The following OR6J1 variants were observed in gnomAD, a reference collection of about 807,000 sequenced individuals.
The protein encoded by OR6J1 is olfactory receptor family 6 subfamily J member 1, also known as olfactory receptor 6J1.
For missense variants in OR6J1, 304 were observed against 166.8 expected (o/e 1.82, Z -4.53); for synonymous variants, 109 against 70.0 (o/e 1.56, Z -2.78).
intron 1 of OR6J1, among the ~76,000 whole-genome samples, chr14:22,640,483 G>GTTTTTTTTTTTTTTTTTTTT (rs1457341102): frequency 1.5e-5 from 2 of 132,652 alleles, no homozygotes; most frequent in Non-Finnish European, 1.6e-5. Context: ...CAGTGAGAAT[G>GTTTTTTTTTTTTTTTTTTTT]TATTTTTTTT....
intron 1 of OR6J1, among the ~76,000 whole-genome samples, chr14:22,642,312 AATATATATATATATATAT>A (rs71421135): frequency 0.049 from 5,325 of 109,194 alleles, 272 homozygotes; most frequent in Non-Finnish European, 0.059. Flanking sequence ...TCAACTTAAG[AATATATATATATATATAT>A]ATATATATAT....
chr14:22,641,564 G>GA (rs797030311), intron 1 of OR6J1, among the ~76,000 whole-genome samples: 10 of 96,134 alleles, frequency 1.0e-4, no homozygotes, highest in Non-Finnish European at 2.2e-4. Context: ...TAAAGAAAAA[G>GA]AAAAAAGAAA....
intron 1 of OR6J1, among the ~76,000 whole-genome samples, chr14:22,636,830 C>G (rs1237926422): frequency 2.6e-5 from 3 of 117,464 alleles, no homozygotes; most frequent in Non-Finnish European, 5.0e-5. Flanking sequence ...TCTGCCCAGC[C>G]GCCACCCCGT....
Position 22,637,706 on chromosome 14 carries a change from A to G in OR6J1, c.-27-2868T>C, listed in dbSNP as rs75622816. Among the ~76,000 whole-genome samples the G allele has an allele frequency of 3.1e-4, 19 of 60,552 alleles. 1 individual carries two copies. The highest frequency in any genetic ancestry group is 8.5e-4 in the Admixed American group (6 of 7,036). 39.7% of individuals were successfully genotyped at this position (60,552 alleles called of 152,430 possible). On this transcript the variant is annotated intron_variant, in intron 1 of 1. Coordinates refer to ENST00000540461, the MANE Select transcript of OR6J1 (RefSeq NM_001348233.2). ...GTGGGGGGGGTCAGCCCCCCGCCCG[A>G]CCAGCCGCCCCGTCCGGGAGGGAGG...
In OR6J1 at chr14:22,634,829, C is replaced by T; in HGVS notation, c.-18G>A. ...TTACCCATGGGCCTGGTGGGCCTGGCTCAATTCTCCTAACAGAACAAAGGG... is the reference window on the plus strand; with the variant it reads ...TTACCCATGGGCCTGGTGGGCCTGGTTCAATTCTCCTAACAGAACAAAGGG... On this transcript the variant is annotated 5_prime_UTR_variant, in exon 2 of 2. Coordinates refer to ENST00000540461, the MANE Select transcript of OR6J1 (RefSeq NM_001348233.2). The T allele has an allele frequency of 1.5e-6, 1 of 660,684 alleles. No individual in the cohort carries two copies. Among genetic ancestry groups the T allele is most frequent in the Admixed American group, 2.2e-5 (1 of 44,896 alleles). 40.9% of individuals were successfully genotyped at this position (660,684 alleles called of 1,614,324 possible). A position where few individuals can be genotyped will look rare whatever the true frequency, so the allele number is the denominator to read the frequency against.
At chr14:22,643,705 C>A (rs1443270277) in intron 1 of OR6J1, among the ~76,000 whole-genome samples, 1 of 135,028 alleles carries the variant, frequency 7.4e-6, no homozygotes, top group Non-Finnish European at 1.6e-5. Context: ...TGACCCCTGG[C>A]ATGGCAGAAA....
At chr14:22,641,218 A>AAAGAAAGAAAGAAAG in intron 1 of OR6J1, among the ~76,000 whole-genome samples, 1 of 21,354 alleles carries the variant, frequency 4.7e-5, no homozygotes, top group Non-Finnish European at 1.0e-4. Flanking sequence ...GATAAGAAAG[A>AAAGAAAGAAAGAAAG]AAGAAAGAAA....
Position 22,631,190 on chromosome 14 carries a change from T to C in OR6J1, c.*2578A>G, listed in dbSNP as rs898868462. 12 of 152,188 alleles carry C rather than the reference T, an allele frequency of 7.9e-5. No homozygotes were observed. The highest frequency in any genetic ancestry group is 1.6e-4 in the Non-Finnish European group (11 of 68,042). 9.4% of individuals were successfully genotyped at this position (152,188 alleles called of 1,614,324 possible). On this transcript the variant is annotated 3_prime_UTR_variant, in exon 2 of 2. Coordinates refer to ENST00000540461, the MANE Select transcript of OR6J1 (RefSeq NM_001348233.2). ...ATGAAGTTTCGGGCACCATTGTCAT[T>C]GATAACATCTTATCAGGAGACAGGG...
At chr14:22,635,665 A>G (rs546021584) in intron 1 of OR6J1, among the ~76,000 whole-genome samples, 2 of 152,354 alleles carry the variant, frequency 1.3e-5, no homozygotes, top group Admixed American at 1.3e-4. Context: ...ATACAGAGCC[A>G]AGACACAGAC....
chr14:22,639,919 T>G (rs572141382), intron 1 of OR6J1, among the ~76,000 whole-genome samples: 1 of 91,718 alleles, frequency 1.1e-5, no homozygotes, highest in African/African-American at 5.4e-5. Flanking sequence ...TGACCTTCCC[T>G]CCACTATTGT....
At chr14:22,641,266 A>AAAGAAAGAAAGAAAGAAAGG (rs1290848247) in intron 1 of OR6J1, among the ~76,000 whole-genome samples, 22 of 122,888 alleles carry the variant, frequency 1.8e-4, no homozygotes, top group African/African-American at 5.1e-4. Context: ...AGAAAGAAAG[A>AAAGAAAGAAAGAAAGAAAGG]AAGGAAGGAA....
chr14:22,637,713 G>A (rs2037603113), intron 1 of OR6J1, among the ~76,000 whole-genome samples: 2 of 80,832 alleles, frequency 2.5e-5, no homozygotes, highest in South Asian at 3.8e-4. Context: ...CCGACCAGCC[G>A]CCCCGTCCGG....
rs1451966041 is a variant in OR6J1 at position 22,634,767 on chromosome 14, C to G, written c.45G>C (p.Gly15=). 1.4e-6 allele frequency: 1 copy of G among 702,566 alleles called. No homozygotes were observed. The highest frequency in any genetic ancestry group is 2.0e-5 in the Admixed American group (1 of 49,932). 43.5% of individuals were successfully genotyped at this position (702,566 alleles called of 1,614,324 possible). ...TAAVTEFVLL[G]FSLSREVELL... ...GCTCCACCTCCCTGCTCAGGGAAAA[C>G]CCCAGCAGAACAAACTCAGTCACCG... is the stretch of plus-strand genomic sequence containing the variant. Residue 15 remains glycine (G), a synonymous_variant, in exon 2 of 2, where the codon GGG becomes GGC. Transcript: ENST00000540461.
intron 1 of OR6J1, among the ~76,000 whole-genome samples, chr14:22,641,396 A>AAG (rs1478869748): frequency 8.1e-6 from 1 of 123,150 alleles, no homozygotes; most frequent in Non-Finnish European, 1.7e-5. Context: ...AGAGAGAGAG[A>AAG]GAAAGGAAGG....
chr14:22,641,572 AAAG>A (rs2037653395), intron 1 of OR6J1, among the ~76,000 whole-genome samples: 2 of 147,708 alleles, frequency 1.4e-5, no homozygotes, highest in South Asian at 2.2e-4. Context: ...AAGAAAAAAG[AAAG>A]AAGGAAAGAA....
At chr14:22,642,446 C>T (rs2037659967) in intron 1 of OR6J1, among the ~76,000 whole-genome samples, 1 of 151,278 alleles carries the variant, frequency 6.6e-6, no homozygotes, top group Admixed American at 6.6e-5. Flanking sequence ...TCAAGCGATT[C>T]TCCTGCCTCA....
Position 22,637,102 on chromosome 14 carries a change from C to CA in OR6J1, c.-27-2265dup, listed in dbSNP as rs1197674780. 5.9e-5 allele frequency among the ~76,000 whole-genome samples: 7 copies of CA among 117,658 alleles called. 1 individual carries two copies. Among genetic ancestry groups the CA allele is most frequent in the African/African-American group, 3.6e-4 (7 of 19,282 alleles). 77.2% of individuals were successfully genotyped at this position (117,658 alleles called of 152,430 possible). A position where few individuals can be genotyped will look rare whatever the true frequency, so the allele number is the denominator to read the frequency against. ...ATGTGAGGAGCGCCTCTGCTGGCCG[C>CA]AACCCTGTCTGAGAGGTGAGGAGCG... On this transcript the variant is annotated intron_variant, in intron 1 of 1. Transcript: ENST00000540461.
rs1265949328 is a variant in OR6J1 at position 22,639,221 on chromosome 14, G to A, written c.-27-4383C>T. On this transcript the variant is annotated intron_variant, in intron 1 of 1. Coordinates refer to ENST00000540461, the MANE Select transcript of OR6J1 (RefSeq NM_001348233.2). ...TCTCCGCCCGGCAGCCACCCCGTCCGGGAGGGAGGTGGTGGGGGGTCAGCC... is the reference window on the plus strand; with the variant it reads ...TCTCCGCCCGGCAGCCACCCCGTCCAGGAGGGAGGTGGTGGGGGGTCAGCC... Among the ~76,000 whole-genome samples, 569 of 121,474 alleles carry A rather than the reference G, an allele frequency of 4.7e-3. 44 individuals are homozygous for A. The highest frequency in any genetic ancestry group is 3.6e-3 in the Non-Finnish European group (224 of 61,500). The allele number at this position is 121,474 out of a possible 152,430, so 79.7% of individuals were successfully genotyped here.
At chr14:22,638,303 T>C (rs1205931019) in intron 1 of OR6J1, among the ~76,000 whole-genome samples, 1 of 54,484 alleles carries the variant, frequency 1.8e-5, no homozygotes, top group Non-Finnish European at 3.4e-5. Flanking sequence ...TTTTGTTCTG[T>C]ACTAAGAAAA....
Sources: gnomAD v4.1 joint callset for allele counts (sites outside exome capture counted in the v4.1 genomes callset) on GRCh38, gnomAD v4.1.1 for gene constraint, MANE v1.5 for transcripts, NCBI Gene and HGNC (gene_info 2026-07-23, HGNC 2026-07-21) for gene names.